The following WNT9B variants were observed in gnomAD, a reference collection of about 807,000 sequenced individuals.
WNT9B encodes protein Wnt-9b.
In WNT9B, 12 loss-of-function variants were observed where a neutral mutation model predicts 30.2. The ratio of observed to expected loss-of-function variants is 0.40; its 90% confidence interval spans 0.26 to 0.64. The LOEUF (loss-of-function observed/expected upper bound fraction) is 0.64, where lower values mean the gene tolerates loss of function less well. Among genes scored for constraint, WNT9B ranks in the 30% least tolerant of loss-of-function variants. The pLI is 0.42. For missense variants in WNT9B, 442 were observed against 485.2 expected (o/e 0.91, Z 0.84); for synonymous variants, 218 against 216.9 (o/e 1.01, Z -0.05).
At chr17:46,881,215 A>C (rs1447266786), downstream of WNT9B, among the ~76,000 whole-genome samples, 2 of 152,248 alleles carry the variant, frequency 1.3e-5, no homozygotes, top group Admixed American at 1.3e-4. Context: ...ACATTGCCTT[A>C]ACTGGGCTCC....
Position 46,878,402 on chromosome 17 carries a change from C to G in WNT9B, c.*1684C>G, listed in dbSNP as rs904840248. On this transcript the variant is annotated 3_prime_UTR_variant, in exon 4 of 4. Coordinates refer to ENST00000290015, the MANE Select transcript of WNT9B (RefSeq NM_003396.3). ...ACCTCCAAGGGCGAGGAGGAGCTGC[C>G]CAGTCTCCAGTGGATCAGGGCAGTC... Among the ~76,000 whole-genome samples the G allele has an allele frequency of 3.9e-5, 6 of 152,196 alleles. No homozygotes were observed. The highest frequency in any genetic ancestry group is 1.4e-4 in the African/African-American group (6 of 41,456).
chr17:46,849,509 C>G (rs142054276), upstream of WNT9B, among the ~76,000 whole-genome samples: 4 of 152,324 alleles, frequency 2.6e-5, no homozygotes, highest in Non-Finnish European at 5.9e-5. Context: ...TCTTCCTTCT[C>G]TCTGACTCAC....
chr17:46,851,553 G>A (rs1330770173), upstream of WNT9B: 4 of 740,496 alleles, frequency 5.4e-6, no homozygotes, highest in African/African-American at 5.6e-5. This position sits in a 1 kb window ranked among gnomAD's most constrained non-coding sequence, Gnocchi z 4.3. Context: ...CCCCACCCGG[G>A]TTTAAAGTCC....
At chr17:46,884,893 G>C (rs1472202171), downstream of WNT9B, 1 of 329,982 alleles carries the variant, frequency 3.0e-6, no homozygotes, top group Non-Finnish European at 6.0e-6. Flanking sequence ...TTTGCTTCCT[G>C]ACTTGGTTCA....
Position 46,875,363 on chromosome 17 carries a change from C to G in WNT9B, c.597C>G (p.Ile199Met), listed in dbSNP as rs762405316. The G allele has an allele frequency of 3.1e-5, 49 of 1,598,264 alleles. No individual in the cohort carries two copies. The highest frequency in any genetic ancestry group is 1.7e-4 in the Middle Eastern group (1 of 6,028). ...ACGCCCACAATACCCACGTGGGCAT[C>G]AAGGTGAGCATGTCCCTGGCTGCCC... ...RADAHNTHVG[I>M]KAVKSGLRTT... is the part of the protein sequence containing the mutation. Residue 199 changes from isoleucine (I) to methionine (M), a missense_variant, in exon 3 of 4, where the codon ATC (isoleucine) becomes ATG (methionine). Ile to Met is a conservative substitution (Grantham distance 10, BLOSUM62 1). Transcript: ENST00000290015.
chr17:46,846,093 G>C (rs1484902874), intron 1 of WNT9B, among the ~76,000 whole-genome samples: 1 of 152,146 alleles, frequency 6.6e-6, no homozygotes, highest in Non-Finnish European at 1.5e-5. Context: ...GCCCGGCCAT[G>C]TTATCTGAAA....
Position 46,875,123 on chromosome 17 carries a change from G to A in WNT9B, c.357G>A (p.Leu119=), listed in dbSNP as rs2085322853. The A allele has an allele frequency of 6.2e-7, 1 of 1,613,896 alleles. No homozygotes were observed. The highest frequency in any genetic ancestry group is 1.3e-5 in the African/African-American group (1 of 75,072). ...CAGGCTTCAAAGAGACAGCTTTCCT[G>A]TACGCGGTGTCCTCTGCCGCCCTCA... is the stretch of plus-strand genomic sequence containing the variant. ...LKRGFKETAF[L]YAVSSAALTH... is the part of the protein sequence containing the mutation. The change falls in exon 3 of 4, where the codon CTG becomes CTA. Residue 119 remains leucine (L), a synonymous_variant. Coordinates refer to ENST00000290015, the MANE Select transcript of WNT9B (RefSeq NM_003396.3).
chr17:46,839,465 G>A (rs1039244976), intron 1 of WNT9B, among the ~76,000 whole-genome samples: 7 of 152,258 alleles, frequency 4.6e-5, no homozygotes, highest in African/African-American at 1.7e-4. Context: ...CTGTATGGCT[G>A]TGGCACAACG....
chr17:46,852,224 G>C lies in WNT9B; in HGVS notation c.77+509G>C, dbSNP rs183174326. On this transcript the variant is annotated intron_variant, in intron 1 of 3. Transcript: ENST00000290015. ...GGTGGGACGGGCTGTTCCCGGTCTC[G>C]GGGCAGAGGATCGTGCGCGTCCAGG... Among the ~76,000 whole-genome samples the C allele has an allele frequency of 2.8e-3, 428 of 152,308 alleles. 3 individuals carry two copies. Among genetic ancestry groups the C allele is most frequent in the African/African-American group, 9.8e-3 (408 of 41,578 alleles).
chr17:46,843,663 A>G (rs2084741308), intron 1 of WNT9B, among the ~76,000 whole-genome samples: 1 of 152,232 alleles, frequency 6.6e-6, no homozygotes, highest in Non-Finnish European at 1.5e-5. Flanking sequence ...CTGGCCAGTT[A>G]CTTGACTTCT....
intron 1 of WNT9B, among the ~76,000 whole-genome samples, chr17:46,859,176 A>G (rs2084991965): frequency 6.6e-6 from 1 of 152,024 alleles, no homozygotes; most frequent in East Asian, 1.9e-4. Context: ...GGGTTTCACC[A>G]TGTTGGGCAG....
intron 1 of WNT9B, among the ~76,000 whole-genome samples, chr17:46,844,239 G>A (rs1169382970): frequency 6.6e-6 from 1 of 151,594 alleles, no homozygotes; most frequent in African/African-American, 2.4e-5. Context: ...TTATAGGCAT[G>A]AGCCACTGTA....
At chr17:46,853,416 G>C (rs977780565) in intron 1 of WNT9B, among the ~76,000 whole-genome samples, 5 of 128,146 alleles carry the variant, frequency 3.9e-5, no homozygotes, top group African/African-American at 1.5e-4. Flanking sequence ...CTGTCACCCA[G>C]GCTGGAGTGC....
At chr17:46,870,904 C>CTTTTTTTTTTT (rs144277402) in intron 1 of WNT9B, among the ~76,000 whole-genome samples, 38 of 78,388 alleles carry the variant, frequency 4.8e-4, no homozygotes, top group African/African-American at 1.9e-3. Context: ...TCCACCTTTG[C>CTTTTTTTTTTT]TTTTTTTTTT....
At chr17:46,833,855 G>A (rs2084588734) in intron 1 of WNT9B, among the ~76,000 whole-genome samples, 1 of 152,132 alleles carries the variant, frequency 6.6e-6, no homozygotes, top group Admixed American at 6.5e-5. Flanking sequence ...TGGCTGGAGT[G>A]TGTGGTTCTG....
At chr17:46,845,846 A>G (rs2084770865) in intron 1 of WNT9B, among the ~76,000 whole-genome samples, 1 of 134,416 alleles carries the variant, frequency 7.4e-6, no homozygotes, top group Non-Finnish European at 1.5e-5. Context: ...GCTAGAGTGC[A>G]GTGGTGTGGT....
intron 1 of WNT9B, among the ~76,000 whole-genome samples, chr17:46,871,698 A>G (rs2085246909): frequency 6.6e-6 from 1 of 152,230 alleles, no homozygotes; most frequent in African/African-American, 2.4e-5. Context: ...TAGCTAGAAC[A>G]TCAGCCTTAG....
At chr17:46,848,663 T>G (rs2084804572), upstream of WNT9B, among the ~76,000 whole-genome samples, 1 of 152,234 alleles carries the variant, frequency 6.6e-6, no homozygotes, top group Non-Finnish European at 1.5e-5. Flanking sequence ...GGATGTATAA[T>G]GCAAAGGTGT....
chr17:46,849,201 C>A (rs2084810669), upstream of WNT9B, among the ~76,000 whole-genome samples: 1 of 152,244 alleles, frequency 6.6e-6, no homozygotes, highest in Non-Finnish European at 1.5e-5. Context: ...ATATTTTCCT[C>A]GTGTTTCTCA....
Sources: gnomAD v4.1 joint callset for allele counts (sites outside exome capture counted in the v4.1 genomes callset) on GRCh38, gnomAD v4.1.1 for gene constraint, Gnocchi (gnomAD v3.1) non-coding constraint, MANE v1.5 for transcripts, NCBI Gene and HGNC (gene_info 2026-07-23, HGNC 2026-07-21) for gene names.